Variants in DYNC1I2 observed in about 807,000 individuals in gnomAD.
DYNC1I2 encodes dynein cytoplasmic 1 intermediate chain 2.
Under a neutral mutation model 88.6 loss-of-function variants are expected in DYNC1I2, and 53 were observed. The ratio of observed to expected loss-of-function variants is 0.60; its 90% CI spans 0.48 to 0.75. The LOEUF (loss-of-function observed/expected upper bound fraction) is 0.75, where lower values mean the gene tolerates loss of function less well. Ranked by LOEUF, DYNC1I2 falls within the 30% of genes least tolerant of loss-of-function variation. DYNC1I2 has a pLI of 0.00. For synonymous variants in DYNC1I2, 198 were observed against 254.6 expected, an observed-to-expected ratio of 0.78 and a Z score of 2.12; for missense variants, 458 against 766.6, an observed-to-expected ratio of 0.60 and a Z score of 4.75.
intron 1 of DYNC1I2, among the ~76,000 whole-genome samples, chr2:171,689,345 T>TG (rs1369354267): frequency 4.6e-5 from 7 of 152,240 alleles, no homozygotes; most frequent in Non-Finnish European, 8.8e-5. Flanking sequence ...TGGTAACTCC[T>TG]GCGTTTTGCT....
intron 17 of DYNC1I2, 43 bp from the exon 18 acceptor site, chr2:171,747,732 TC>T: frequency 7.4e-7 from 1 of 1,348,468 alleles, no homozygotes; most frequent in Non-Finnish European, 1.0e-6. Flanking sequence ...GGTAAAATGA[TC>T]TTTTATTTCA....
intron 7 of DYNC1I2, among the ~76,000 whole-genome samples, chr2:171,723,827 C>T (rs1156676975): frequency 6.6e-6 from 1 of 152,190 alleles, no homozygotes; most frequent in Non-Finnish European, 1.5e-5. Context: ...ACTAGCTTTT[C>T]TTGAAATGGC....
intron 3 of DYNC1I2, among the ~76,000 whole-genome samples, chr2:171,698,883 G>A (rs1685990713): frequency 6.6e-6 from 1 of 151,720 alleles, no homozygotes; most frequent in African/African-American, 2.4e-5. Flanking sequence ...GAAAAGAAAA[G>A]AAACAGGGTC....
At chr2:171,736,009 T>C (rs1003158883) in intron 15 of DYNC1I2, among the ~76,000 whole-genome samples, 2 of 152,222 alleles carry the variant, frequency 1.3e-5, no homozygotes, top group Non-Finnish European at 2.9e-5. Context: ...CTTGAAATTA[T>C]TCACACTTTC....
intron 3 of DYNC1I2, among the ~76,000 whole-genome samples, chr2:171,697,201 T>A (rs1023125046): frequency 4.6e-5 from 7 of 151,986 alleles, no homozygotes; most frequent in Admixed American, 1.3e-4. Context: ...TGTTTTTTTT[T>A]ATAGAGATGG....
intron 3 of DYNC1I2, among the ~76,000 whole-genome samples, chr2:171,697,968 A>C (rs1685913921): frequency 6.6e-6 from 1 of 152,240 alleles, no homozygotes; most frequent in African/African-American, 2.4e-5. Flanking sequence ...GTATCATATT[A>C]GTAGCACATC....
At chr2:171,721,476 T>G (rs1333361114) in intron 7 of DYNC1I2, among the ~76,000 whole-genome samples, 1 of 152,032 alleles carries the variant, frequency 6.6e-6, no homozygotes, top group African/African-American at 2.4e-5. Context: ...TGAAATAGAG[T>G]GATTCAAAAT....
chr2:171,725,761 G>T, intron 8 of DYNC1I2, 48 bp downstream of exon 8: 1 of 1,236,296 alleles, frequency 8.1e-7, no homozygotes, highest in Non-Finnish European at 1.1e-6. Context: ...TTTCTGTTAA[G>T]ATTCCTTTTA....
chr2:171,705,427 A>G (rs1458627811), intron 3 of DYNC1I2, among the ~76,000 whole-genome samples: 1 of 152,120 alleles, frequency 6.6e-6, no homozygotes, highest in Non-Finnish European at 1.5e-5. Flanking sequence ...AACCTCTGAT[A>G]TGTACACTTG....
At chr2:171,703,371 G>A (rs1003532692) in intron 3 of DYNC1I2, among the ~76,000 whole-genome samples, 4 of 152,046 alleles carry the variant, frequency 2.6e-5, no homozygotes, top group African/African-American at 9.7e-5. Context: ...GAGTAGCTGG[G>A]ACTACAGCCA....
chr2:171,729,642 T>C (rs1688477964), intron 14 of DYNC1I2, 67 bp from the exon 15 acceptor site: 16 of 1,546,112 alleles, frequency 1.0e-5, no homozygotes, highest in Non-Finnish European at 2.7e-6. Context: ...AAACCTATAA[T>C]AAAATGTGTA....
chr2:171,713,430 T>C (rs1474274827), intron 6 of DYNC1I2, among the ~76,000 whole-genome samples: 1 of 151,530 alleles, frequency 6.6e-6, no homozygotes, highest in African/African-American at 2.4e-5. Flanking sequence ...TATTTTTGTT[T>C]TGTTTTTTGC....
intron 5 of DYNC1I2, among the ~76,000 whole-genome samples, chr2:171,711,279 C>T (rs1330143760): frequency 2.0e-5 from 3 of 151,982 alleles, no homozygotes; most frequent in African/African-American, 7.3e-5. Flanking sequence ...CCAGGATGAC[C>T]GGTGTGAGCC....
At chr2:171,689,284 C>T (rs1373411741) in intron 1 of DYNC1I2, among the ~76,000 whole-genome samples, 3 of 152,166 alleles carry the variant, frequency 2.0e-5, no homozygotes, top group African/African-American at 7.2e-5. Context: ...CAGAGGTATA[C>T]GTAAGGTGTT....
chr2:171,714,789 T>C (rs1213404923), intron 6 of DYNC1I2, among the ~76,000 whole-genome samples: 1 of 152,176 alleles, frequency 6.6e-6, no homozygotes, highest in African/African-American at 2.4e-5. Context: ...GATTTAAAAG[T>C]TTTAAATATT....
intron 3 of DYNC1I2, chr2:171,693,164 G>C (rs1297563344): frequency 2.7e-6 from 1 of 372,752 alleles, no homozygotes; most frequent in East Asian, 6.2e-5. Flanking sequence ...ACAAACATTG[G>C]TTAAGCAAGT....
chr2:171,710,582 C>G (rs1021530061), intron 5 of DYNC1I2, among the ~76,000 whole-genome samples: 2 of 152,008 alleles, frequency 1.3e-5, no homozygotes, highest in Non-Finnish European at 2.9e-5. Flanking sequence ...TATAAAAGGT[C>G]GTGAGAAATA....
At chr2:171,701,551 GA>G (rs912530523) in intron 3 of DYNC1I2, among the ~76,000 whole-genome samples, 5 of 152,126 alleles carry the variant, frequency 3.3e-5, no homozygotes, top group Non-Finnish European at 7.4e-5. Context: ...AAGGAAGAAA[GA>G]TACCATTAAA....
chr2:171,735,427 A>G (rs1224288389), intron 15 of DYNC1I2, among the ~76,000 whole-genome samples: 1 of 152,230 alleles, frequency 6.6e-6, no homozygotes, highest in African/African-American at 2.4e-5. Flanking sequence ...CTCAAAGGAA[A>G]TGTTCATTGA....
Sources: allele counts gnomAD v4.1 joint callset (sites outside exome capture counted in the v4.1 genomes callset), GRCh38; gene constraint gnomAD v4.1.1; transcripts MANE v1.5; gene names NCBI Gene and HGNC (gene_info 2026-07-23, HGNC 2026-07-21).